ATP7A: variants seen among roughly 807,000 people sequenced by gnomAD.
ATP7A encodes the protein ATPase copper transporting alpha.
ATP7A carries 7 observed loss-of-function variants against 83.5 expected under a neutral mutation model. That is an observed-to-expected ratio of 0.08 (90% CI 0.05 to 0.16). ATP7A has a LOEUF of 0.16. Among genes scored for constraint, ATP7A ranks in the 10% least tolerant of loss-of-function variants. ATP7A has a pLI of 1.00. For missense variants in ATP7A, 940 were observed against 1,120.8 expected (o/e 0.84, Z 2.30); for synonymous variants, 354 against 395.2 (o/e 0.90, Z 1.24).
intron 1 of ATP7A, among the ~76,000 whole-genome samples, chrX:77,971,006 A>G (rs1557229620): frequency 8.9e-6 from 1 of 112,154 alleles, no homozygotes; most frequent in Non-Finnish European, 1.9e-5. Flanking sequence ...CATTAAGGTT[A>G]GATTTGAACA....
At chrX:78,038,015 A>G (rs1335674780) in intron 17 of ATP7A, among the ~76,000 whole-genome samples, 2 of 55,365 alleles carry the variant, frequency 3.6e-5, no homozygotes, top group Non-Finnish European at 6.4e-5. Context: ...TTAAGATAGG[A>G]CAATGTACAG....
At chrX:77,939,953 T>C (rs932914137) in intron 1 of ATP7A, among the ~76,000 whole-genome samples, 2 of 109,114 alleles carry the variant, frequency 1.8e-5, no homozygotes. Context: ...TTCAATATTG[T>C]AAAAAGAGGT....
chrX:77,969,214 T>C (rs2077528975), intron 1 of ATP7A: 1 of 1,210,427 alleles, frequency 8.3e-7, no homozygotes, highest in Non-Finnish European at 1.1e-6. Flanking sequence ...GAGGTCTGCA[T>C]ACCTGCGATC....
intron 1 of ATP7A, among the ~76,000 whole-genome samples, chrX:77,939,350 A>G (rs1038660744): frequency 4.5e-5 from 5 of 110,938 alleles, no homozygotes; most frequent in African/African-American, 6.5e-5. Context: ...GAATATTCCT[A>G]TATTAGTATC....
intron 10 of ATP7A, 64 bp downstream of exon 10, chrX:78,013,176 A>G: frequency 1.0e-6 from 1 of 989,026 alleles, no homozygotes; most frequent in Non-Finnish European, 1.4e-6. Flanking sequence ...AGTATTTTTT[A>G]GGCCAATCAT....
intron 14 of ATP7A, among the ~76,000 whole-genome samples, chrX:78,027,464 A>G (rs1256049678): frequency 8.9e-6 from 1 of 111,784 alleles, no homozygotes; most frequent in Non-Finnish European, 1.9e-5. Flanking sequence ...GACACAAACA[A>G]ATGGAAAAAC....
At chrX:77,957,232 AATTT>A (rs1364152538) in intron 1 of ATP7A, among the ~76,000 whole-genome samples, 4 of 111,325 alleles carry the variant, frequency 3.6e-5, no homozygotes, top group African/African-American at 1.3e-4. Context: ...TTTTTAAAAA[AATTT>A]ATTATTATCA....
At chrX:77,974,657 G>C (rs989019084) in intron 2 of ATP7A, 1 of 288,727 alleles carries the variant, frequency 3.5e-6, no homozygotes. Flanking sequence ...GTTTGCTGAG[G>C]GTTTTTTTAA....
intron 20 of ATP7A, 103 bp downstream of exon 20, chrX:78,042,891 A>G: frequency 1.1e-6 from 1 of 930,969 alleles, no homozygotes; most frequent in Non-Finnish European, 1.6e-6. Flanking sequence ...CTTAAGTTCC[A>G]TGCTATCAGC....
At chrX:77,971,862 G>C (rs1426461746) in intron 2 of ATP7A, 101 bp downstream of exon 2, 2 of 994,230 alleles carry the variant, frequency 2.0e-6, no homozygotes, top group South Asian at 2.1e-5. Flanking sequence ...TGACACATTT[G>C]GCAATAAAAA....
Sources: gnomAD v4.1 joint callset for allele counts (sites outside exome capture counted in the v4.1 genomes callset) on GRCh38, gnomAD v4.1.1 for gene constraint, MANE v1.5 for transcripts, NCBI Gene and HGNC (gene_info 2026-07-23, HGNC 2026-07-21) for gene names.